The following SGK3 variants were observed in gnomAD, a reference collection of about 807,000 sequenced individuals.
SGK3 encodes serum/glucocorticoid regulated kinase family member 3.
SGK3 carries 47 observed loss-of-function variants against 68.5 expected under a neutral mutation model. The observed-to-expected ratio is 0.69, with a 90% CI of 0.54 to 0.87. The LOEUF (loss-of-function observed/expected upper bound fraction) is 0.87. SGK3 is among the 40% of genes least tolerant of loss of function. SGK3 has a pLI of 0.00. For missense variants in SGK3, 479 were observed against 575.5 expected, an observed-to-expected ratio of 0.83 and a Z score of 1.72; for synonymous variants, 181 against 189.1, an observed-to-expected ratio of 0.96 and a Z score of 0.35.
At chr8:66,814,145 G>C (rs951752700) in intron 5 of SGK3, among the ~76,000 whole-genome samples, 7 of 151,794 alleles carry the variant, frequency 4.6e-5, no homozygotes, top group Non-Finnish European at 1.0e-4. Flanking sequence ...TAGTTTTATA[G>C]ATTATACTTG....
At chr8:66,733,108 A>G (rs1442288370) in intron 1 of SGK3, among the ~76,000 whole-genome samples, 2 of 152,206 alleles carry the variant, frequency 1.3e-5, no homozygotes, top group Non-Finnish European at 2.9e-5. Context: ...TGGAGGGGAT[A>G]GCAATTCAGG....
chr8:66,857,788 AGTGTGTGTGTATGTGTGT>A (rs1302232562), intron 16 of SGK3, among the ~76,000 whole-genome samples: 59 of 115,508 alleles, frequency 5.1e-4, no homozygotes, highest in African/African-American at 1.7e-3. Flanking sequence ...GTCTCAAAAA[AGTGTGTGTGTATGTGTGT>A]GTGTGTGTGT....
At chr8:66,814,133 A>G (rs564219478) in intron 5 of SGK3, among the ~76,000 whole-genome samples, 3 of 151,692 alleles carry the variant, frequency 2.0e-5, no homozygotes, top group Non-Finnish European at 4.4e-5. Flanking sequence ...TTGTACTTGC[A>G]TTAGTTTTAT....
At chr8:66,847,155 T>C in intron 14 of SGK3, 38 bp from the exon 15 acceptor site, 2 of 1,580,676 alleles carry the variant, frequency 1.3e-6, no homozygotes, top group Non-Finnish European at 1.7e-6. Flanking sequence ...GCATAATTTG[T>C]TTACCACTAA....
intron 7 of SGK3, among the ~76,000 whole-genome samples, chr8:66,829,593 T>C (rs571328755): frequency 4.2e-4 from 64 of 152,272 alleles, no homozygotes; most frequent in African/African-American, 1.5e-3. Context: ...AAGATGAAGA[T>C]TGAAAATTGA....
intron 7 of SGK3, among the ~76,000 whole-genome samples, chr8:66,830,242 G>C (rs974869082): frequency 5.9e-5 from 9 of 152,122 alleles, no homozygotes; most frequent in Admixed American, 5.9e-4. Flanking sequence ...CCTATTTACT[G>C]TTTGAGGGAC....
At position 66,804,402 on chromosome 8, in the gene SGK3, C is replaced by G. The variant is rs1428226907; in HGVS notation, c.208C>G (p.Leu70Val). 6.2e-7 allele frequency: 1 copy of G among 1,611,922 alleles called. No homozygotes were observed. Among genetic ancestry groups the G allele is most frequent in the Admixed American group, 1.7e-5 (1 of 59,938 alleles). The change falls in exon 4 of 17, where the codon CTG (leucine) becomes GTG (valine). Residue 70 changes from leucine to valine, a missense_variant. By Grantham distance (32) the Leu-to-Val change is conservative. Transcript: ENST00000521198. ...TLKKQFPAMALKIPAKRIFGD... is the reference protein window; with the variant it reads ...TLKKQFPAMAVKIPAKRIFGD... Reference sequence around the variant, plus strand: ...AAAAAAACAGTTTCCTGCTATGGCCCTGAAGATTCCTGCCAAGAGAATATT... The same window carrying G: ...AAAAAAACAGTTTCCTGCTATGGCCGTGAAGATTCCTGCCAAGAGAATATT...
intron 3 of SGK3, among the ~76,000 whole-genome samples, chr8:66,798,832 A>G (rs1361345636): frequency 6.6e-6 from 1 of 152,234 alleles, no homozygotes; most frequent in African/African-American, 2.4e-5. Context: ...AATTCCAAAT[A>G]AACCATTAAA....
intron 6 of SGK3, among the ~76,000 whole-genome samples, chr8:66,825,874 A>G (rs1809032576): frequency 6.6e-6 from 1 of 152,218 alleles, no homozygotes; most frequent in Non-Finnish European, 1.5e-5. Flanking sequence ...GTGCTCCATT[A>G]GGGGAATCCT....
At chr8:66,763,893 A>C (rs962625420) in intron 1 of SGK3, among the ~76,000 whole-genome samples, 2 of 152,152 alleles carry the variant, frequency 1.3e-5, no homozygotes, top group Non-Finnish European at 2.9e-5. Context: ...TATTTGAGGC[A>C]GGGTCTTGCT....
At chr8:66,738,035 A>G (rs1017260268) in intron 1 of SGK3, among the ~76,000 whole-genome samples, 19 of 151,796 alleles carry the variant, frequency 1.3e-4, no homozygotes, top group Non-Finnish European at 2.5e-4. Flanking sequence ...AACAAAATAT[A>G]TTGTCTCTAC....
At chr8:66,850,506 T>G (rs1207260644) in intron 15 of SGK3, among the ~76,000 whole-genome samples, 2 of 150,954 alleles carry the variant, frequency 1.3e-5, no homozygotes, top group Non-Finnish European at 2.9e-5. Context: ...TTCATAGCAC[T>G]TTACATCCAT....
At position 66,799,563 on chromosome 8, in the gene SGK3, A is replaced by G. The variant is rs180946735; in HGVS notation, c.180+938A>G. ...CTCCAGGTCATTAAGACAGTCCTGG[A>G]TTTAAAGCTTTGCTTCAGTTAAGAA... On this transcript the variant is annotated intron_variant, in intron 3 of 16. Transcript: ENST00000521198. Among the ~76,000 whole-genome samples, 384 of 152,334 alleles carry G rather than the reference A, an allele frequency of 2.5e-3. 2 individuals are homozygous for G. The highest frequency in any genetic ancestry group is 8.8e-3 in the African/African-American group (367 of 41,580).
In SGK3 at chr8:66,826,864, C is replaced by T. The variant is rs144307823; in HGVS notation, c.418-1790C>T. Among the ~76,000 whole-genome samples, 1,050 of 151,808 alleles carry T rather than the reference C, an allele frequency of 6.9e-3. 13 individuals carry two copies. Among genetic ancestry groups the T allele is most frequent in the African/African-American group, 0.024 (973 of 41,380 alleles). ...TTCACCATGTTGGCCAGGCTGATCTCGAACTCCTGACCTCAGATGATCCAC... is the reference window on the plus strand; with the variant it reads ...TTCACCATGTTGGCCAGGCTGATCTTGAACTCCTGACCTCAGATGATCCAC... On this transcript the variant is annotated intron_variant, in intron 6 of 16. Transcript: ENST00000521198.
intron 1 of SGK3, among the ~76,000 whole-genome samples, chr8:66,747,698 C>T (rs1178605164): frequency 1.3e-5 from 2 of 152,156 alleles, no homozygotes; most frequent in Non-Finnish European, 2.9e-5. Flanking sequence ...GCTGGGACTA[C>T]AGGTGTGTGC....
rs755015498 is a variant in SGK3, at chr8:66,828,644, A to G, written c.418-10A>G. On this transcript the variant is annotated splice_polypyrimidine_tract_variant and intron_variant, in intron 6 of 16. Transcript: ENST00000521198. ...ATAAGAATGTTGTTTTTCTTTCCCC[A>G]CCTTCACAGCTACACTCTACCTCAC... 1.2e-6 allele frequency: 2 copies of G among 1,613,588 alleles called. No individual in the cohort carries two copies. The highest frequency in any genetic ancestry group is 2.7e-5 in the African/African-American group (2 of 74,868).
chr8:66,850,353 C>A (rs1434023203), intron 15 of SGK3, among the ~76,000 whole-genome samples: 1 of 152,054 alleles, frequency 6.6e-6, no homozygotes, highest in Admixed American at 6.6e-5. Context: ...TAATACCAAC[C>A]CTGAGTGGGA....
chr8:66,771,812 A>G (rs1193704085), intron 1 of SGK3, among the ~76,000 whole-genome samples: 1 of 152,096 alleles, frequency 6.6e-6, no homozygotes, highest in African/African-American at 2.4e-5. Flanking sequence ...TGTTTGGGCA[A>G]TGAGGTGAAG....
At chr8:66,840,368 A>T in intron 12 of SGK3, 121 bp downstream of exon 12, 1 of 1,020,310 alleles carries the variant, frequency 9.8e-7, no homozygotes, top group Non-Finnish European at 1.4e-6. Context: ...CATTCTCAAA[A>T]TGACAAAACG....
Sources: allele counts gnomAD v4.1 joint callset (sites outside exome capture counted in the v4.1 genomes callset), GRCh38; gene constraint gnomAD v4.1.1; transcripts MANE v1.5; gene names NCBI Gene and HGNC (gene_info 2026-07-23, HGNC 2026-07-21).